Variants in TSACC observed in about 807,000 individuals in gnomAD.
TSACC encodes TSSK6 activating cochaperone, also known as TSSK6-activating co-chaperone protein.
A neutral mutation model predicts 6.9 loss-of-function variants in TSACC; 3 were observed. The ratio of observed to expected loss-of-function variants is 0.43; its 90% CI spans 0.20 to 1.12. The LOEUF is 1.12. TSACC is among the 50% of genes most tolerant of loss of function. The pLI is 0.28. For synonymous variants in TSACC, 54 were observed against 55.1 expected (o/e 0.98, Z 0.09); for missense variants, 137 against 143.9 (o/e 0.95, Z 0.24).
At chr1:156,339,550 T>C in intron 1 of TSACC, 84 bp from the exon 2 acceptor site, 1 of 525,812 alleles carries the variant, frequency 1.9e-6, no homozygotes, top group Non-Finnish European at 3.3e-6. Context: ...TCCAAACTAG[T>C]GAAGGGGCCG....
At chr1:156,342,489 C>T (rs983426296) in intron 2 of TSACC, among the ~76,000 whole-genome samples, 1 of 152,262 alleles carries the variant, frequency 6.6e-6, no homozygotes, top group African/African-American at 2.4e-5. Flanking sequence ...TCTTACCAGG[C>T]CATTCCTTCT....
chr1:156,341,943 TC>T (rs955719391), intron 2 of TSACC, among the ~76,000 whole-genome samples: 1 of 151,544 alleles, frequency 6.6e-6, no homozygotes, highest in African/African-American at 2.4e-5. Flanking sequence ...GCACCTGTAG[TC>T]CCAGCTACTT....
At chr1:156,338,226 CG>C (rs2101690444), upstream of TSACC, 1 of 1,567,510 alleles carries the variant, frequency 6.4e-7, no homozygotes, top group Non-Finnish European at 8.6e-7. Flanking sequence ...CTGGGGGAAC[CG>C]GCAGAACCTT....
intron 2 of TSACC, among the ~76,000 whole-genome samples, chr1:156,342,080 AAAG>A (rs1448953570): frequency 1.2e-4 from 18 of 150,904 alleles, no homozygotes; most frequent in Admixed American, 2.6e-4. Flanking sequence ...AAAAAAAAAG[AAAG>A]AAAAAAAAAT....
chr1:156,342,062 CAAAA>C (rs554820517), intron 2 of TSACC, among the ~76,000 whole-genome samples: 5 of 57,264 alleles, frequency 8.7e-5, no homozygotes, highest in African/African-American at 1.3e-4. Context: ...ACTCCGTCTC[CAAAA>C]AAAAAAAAAA....
At chr1:156,338,477 T>TC, upstream of TSACC, 2 of 524,112 alleles carry the variant, frequency 3.8e-6, no homozygotes, top group South Asian at 5.0e-5. Context: ...GGGTGGCCGC[T>TC]CCCGGCCGCG....
At chr1:156,343,153 T>A (rs1665987247) in intron 2 of TSACC, among the ~76,000 whole-genome samples, 1 of 152,204 alleles carries the variant, frequency 6.6e-6, no homozygotes, top group South Asian at 2.1e-4. Flanking sequence ...TCTGGCTGTT[T>A]TTCTGGGCAC....
chr1:156,341,715 TGC>T (rs1665894960), intron 2 of TSACC, among the ~76,000 whole-genome samples: 1 of 152,190 alleles, frequency 6.6e-6, no homozygotes, highest in African/African-American at 2.4e-5. Flanking sequence ...TAATTTCTCA[TGC>T]CACCTTGTGT....
upstream of TSACC, chr1:156,338,504 G>A (rs978059156): frequency 1.6e-5 from 8 of 514,312 alleles, no homozygotes; most frequent in African/African-American, 1.5e-4. Context: ...GCGAACGTCG[G>A]CGCAGGCGCC....
chr1:156,345,314 G>A (rs1236931966), intron 3 of TSACC, among the ~76,000 whole-genome samples: 1 of 152,248 alleles, frequency 6.6e-6, no homozygotes, highest in East Asian at 1.9e-4. Flanking sequence ...TGTAATCCCA[G>A]CACTTTGGGA....
chr1:156,343,858 A>G (rs1666026336), intron 2 of TSACC, among the ~76,000 whole-genome samples: 1 of 152,146 alleles, frequency 6.6e-6, no homozygotes, highest in South Asian at 2.1e-4. Context: ...ATCCTGCCTC[A>G]GCCTCCCAAG....
At chr1:156,343,652 G>C (rs1405687227) in intron 2 of TSACC, among the ~76,000 whole-genome samples, 1 of 152,190 alleles carries the variant, frequency 6.6e-6, no homozygotes, top group Non-Finnish European at 1.5e-5. Flanking sequence ...TGATTGGCCT[G>C]TATTGGGTCA....
intron 2 of TSACC, among the ~76,000 whole-genome samples, chr1:156,342,365 A>C (rs933604755): frequency 4.6e-5 from 7 of 152,158 alleles, no homozygotes; most frequent in Non-Finnish European, 1.0e-4. Flanking sequence ...AACCAAAAAA[A>C]CATATTTCCC....
chr1:156,338,413 TAGAC>T, upstream of TSACC: 2 of 581,366 alleles, frequency 3.4e-6, no homozygotes, highest in South Asian at 4.2e-5. Flanking sequence ...CCAGACAAGT[TAGAC>T]AGAGAGCGCA....
Position 156,338,613 on chromosome 1 carries a change from C to T in TSACC, c.-125+8C>T, listed in dbSNP as rs1665587957. On this transcript the variant is annotated splice_region_variant and intron_variant, in intron 1 of 3. Coordinates refer to ENST00000368254, the MANE Select transcript of TSACC (RefSeq NM_001304817.2). ...TTTCGGTTAACACCGCAGGTGAGGT[C>T]GTTAAACTGTGTATTGCGACTCGGC... The T allele has an allele frequency of 4.5e-6, 1 of 224,142 alleles. No individual in the cohort carries two copies. The highest frequency in any genetic ancestry group is 9.0e-6 in the Non-Finnish European group (1 of 110,850). The allele number at this position is 224,142 out of a possible 1,614,324, so 13.9% of individuals were successfully genotyped here. A position where few individuals can be genotyped will look rare whatever the true frequency, so the allele number is the denominator to read the frequency against.
At chr1:156,339,355 T>A (rs1232237312) in intron 1 of TSACC, among the ~76,000 whole-genome samples, 2 of 151,926 alleles carry the variant, frequency 1.3e-5, no homozygotes, top group Non-Finnish European at 2.9e-5. Context: ...TAGTTAGAGA[T>A]GATGGGGAGC....
upstream of TSACC, chr1:156,337,845 C>A: frequency 2.1e-6 from 1 of 470,880 alleles, no homozygotes; most frequent in Non-Finnish European, 3.8e-6. Context: ...GACAATCAGG[C>A]TAGAAAGGGC....
At position 156,344,676 on chromosome 1, in the gene TSACC, T is replaced by C; in HGVS notation, c.131T>C (p.Phe44Ser). The C allele has an allele frequency of 6.2e-7, 1 of 1,614,108 alleles. No homozygotes were observed. Among genetic ancestry groups the C allele is most frequent in the Non-Finnish European group, 8.5e-7 (1 of 1,180,000 alleles). Residue 44 changes from phenylalanine (F) to serine (S), a missense_variant, in exon 3 of 4, where the codon TTT becomes TCT. Physicochemically the swap from Phe to Ser is radical, Grantham distance 155 (BLOSUM62 -2). Transcript: ENST00000368254. ...NLQASSPPATFLNIQTTKLPS... is the reference protein window; with the variant it reads ...NLQASSPPATSLNIQTTKLPS... Reference sequence around the variant, plus strand: ...CAAGCAAGTTCCCCACCAGCCACTTTTCTGAACATCCAGACAACAAAGCTG... The same window carrying C: ...CAAGCAAGTTCCCCACCAGCCACTTCTCTGAACATCCAGACAACAAAGCTG...
chr1:156,338,241 G>A, upstream of TSACC: 1 of 817,088 alleles, frequency 1.2e-6, no homozygotes, highest in South Asian at 2.0e-5. Context: ...GAACCTTCTG[G>A]AGAGAGAGAA....
Sources: allele counts gnomAD v4.1 joint callset (sites outside exome capture counted in the v4.1 genomes callset), GRCh38; gene constraint gnomAD v4.1.1; transcripts MANE v1.5; gene names NCBI Gene and HGNC (gene_info 2026-07-23, HGNC 2026-07-21).